ROBO2: variants seen among roughly 807,000 people sequenced by gnomAD.
The protein encoded by ROBO2 is roundabout guidance receptor 2.
ROBO2 carries 53 observed loss-of-function variants against 160.8 expected under a neutral mutation model. The observed-to-expected ratio is 0.33, with a 90% CI of 0.26 to 0.41. ROBO2 has a LOEUF of 0.41. Ranked by LOEUF, ROBO2 falls within the 10% of genes least tolerant of loss-of-function variation. The probability of loss-of-function intolerance (pLI) is 1.00; values close to 1 mark genes in which losing one functional copy is unlikely to be tolerated. For missense variants in ROBO2, 1,577 were observed against 1,722.4 expected, an observed-to-expected ratio of 0.92 and a Z score of 1.49; for synonymous variants, 664 against 611.7, an observed-to-expected ratio of 1.09 and a Z score of -1.26.
rs115342092 is a variant in ROBO2 at position 75,964,449 on chromosome 3, C to A, written c.109+26847C>A. Among the ~76,000 whole-genome samples, 617 of 151,638 alleles carry A rather than the reference C, an allele frequency of 4.1e-3. 4 individuals carry two copies. The highest frequency in any genetic ancestry group is 0.014 in the African/African-American group (594 of 41,448). Reference sequence around the variant, plus strand: ...ATTTTTGATCCCCTGATTTTTCTGACTATGGTTCACAAAAAATCCGTAAGA... The same window carrying A: ...ATTTTTGATCCCCTGATTTTTCTGAATATGGTTCACAAAAAATCCGTAAGA... On this transcript the variant is annotated intron_variant, in intron 2 of 26. Coordinates refer to the ROBO2 transcript ENST00000487694.
chr3:76,881,578 A>C (rs1324839106), intron 2 of ROBO2, among the ~76,000 whole-genome samples: 1 of 152,240 alleles, frequency 6.6e-6, no homozygotes, highest in African/African-American at 2.4e-5. Context: ...TAATATCAAC[A>C]TAAGGACATA....
rs998376236 is a variant in ROBO2 at position 76,620,770 on chromosome 3, T to C, written c.110-477244T>C. Among the ~76,000 whole-genome samples the C allele has an allele frequency of 6.6e-5, 10 of 152,262 alleles. No homozygotes were observed. The East Asian group carries it at 1.9e-3, about 29-fold the overall frequency. ...TAAATACTAAAGCTTAGGGACCAGT[T>C]CCAATTCTATATTATAAGTAAGAAA... On this transcript the variant is annotated intron_variant, in intron 2 of 26. Coordinates refer to the ROBO2 transcript ENST00000487694.
intron 2 of ROBO2, among the ~76,000 whole-genome samples, chr3:76,939,173 G>T (rs1348602700): frequency 6.6e-6 from 1 of 152,062 alleles, no homozygotes; most frequent in Admixed American, 6.5e-5. Context: ...TAAAAATGAA[G>T]AAGAGAAAGG....
At chr3:76,289,030 A>G (rs1169472986) in intron 2 of ROBO2, among the ~76,000 whole-genome samples, 1 of 152,186 alleles carries the variant, frequency 6.6e-6, no homozygotes, top group African/African-American at 2.4e-5. Context: ...ATTGCTGGGT[A>G]AAATGGTAGT....
chr3:77,350,070 A>T (rs370626568), intron 2 of ROBO2, among the ~76,000 whole-genome samples: 30 of 148,428 alleles, frequency 2.0e-4, no homozygotes, highest in Non-Finnish European at 3.2e-4. Context: ...ACATTAAAAA[A>T]AAATATATAT....
chr3:76,579,636 G>A (rs2085524781), intron 2 of ROBO2, among the ~76,000 whole-genome samples: 1 of 151,946 alleles, frequency 6.6e-6, no homozygotes, highest in South Asian at 2.1e-4. Flanking sequence ...TGGTTCATAT[G>A]TTTGAGGGGA....
At chr3:76,877,962 CTCT>C (rs2072931513) in intron 2 of ROBO2, among the ~76,000 whole-genome samples, 1 of 152,124 alleles carries the variant, frequency 6.6e-6, no homozygotes, top group South Asian at 2.1e-4. Flanking sequence ...TTCTCTCTTC[CTCT>C]TCTTATAGGG....
chr3:76,652,872 C>G (rs2091315605), intron 2 of ROBO2, among the ~76,000 whole-genome samples: 1 of 151,684 alleles, frequency 6.6e-6, no homozygotes, highest in South Asian at 2.1e-4. Context: ...TTTTTTAATT[C>G]TAGCATTCTG....
At chr3:76,307,581 C>A (rs1401531704) in intron 2 of ROBO2, among the ~76,000 whole-genome samples, 2 of 151,886 alleles carry the variant, frequency 1.3e-5, no homozygotes, top group East Asian at 1.9e-4. Context: ...AAGAAGATTC[C>A]AAGCCACAAC....
Position 75,993,375 on chromosome 3 carries a change from C to G in ROBO2, c.109+55773C>G, listed in dbSNP as rs114352584. Among the ~76,000 whole-genome samples, 1,389 of 152,042 alleles carry G rather than the reference C, an allele frequency of 9.1e-3. 24 individuals are homozygous for G. Among genetic ancestry groups the G allele is most frequent in the African/African-American group, 0.032 (1,339 of 41,488 alleles). ...AAAAGAAGAATTCCCCTGCACAAGC[C>G]CTCTCTCTCTTTGTGCCTGCTACCA... On this transcript the variant is annotated intron_variant, in intron 2 of 26. Coordinates refer to the ROBO2 transcript ENST00000487694.
chr3:76,045,110 A>G (rs58112396), intron 2 of ROBO2, among the ~76,000 whole-genome samples: 18,849 of 151,874 alleles, frequency 0.12, 3,001 homozygotes, highest in African/African-American at 0.36. Flanking sequence ...ATTTTCATCA[A>G]ATCTTGTTTT....
intron 2 of ROBO2, among the ~76,000 whole-genome samples, chr3:77,220,488 T>A (rs1170015721): frequency 6.6e-6 from 1 of 151,962 alleles, no homozygotes; most frequent in South Asian, 2.1e-4. Flanking sequence ...TTCATTTATA[T>A]ATGTCATTTT....
chr3:76,798,316 A>AAAGAAAGAAAG lies in ROBO2; in HGVS notation c.110-299693_110-299692insAGAAAGAAGAA, dbSNP rs1404329673. Among the ~76,000 whole-genome samples, 37 of 96,206 alleles carry AAAGAAAGAAAG rather than the reference A, an allele frequency of 3.8e-4. 1 individual carries two copies. The highest frequency in any genetic ancestry group is 2.3e-3 in the Admixed American group (23 of 9,954). 63.1% of individuals were successfully genotyped at this position (96,206 alleles called of 152,430 possible). The stretch of plus-strand genomic sequence containing the variant: ...AGAAAGAAAGAAAGAAAGAAAGAAA[A>AAAGAAAGAAAG]AAGAACGAATGAACTAAAGGCCAAT... On this transcript the variant is annotated intron_variant, in intron 2 of 26. Transcript: ENST00000487694.
At chr3:76,560,353 C>T (rs1165538215) in intron 2 of ROBO2, among the ~76,000 whole-genome samples, 2 of 151,968 alleles carry the variant, frequency 1.3e-5, no homozygotes, top group Admixed American at 1.3e-4. Context: ...TCAGGTGATA[C>T]ACATGTACAT....
chr3:76,069,128 T>C (rs1202131470), intron 2 of ROBO2, among the ~76,000 whole-genome samples: 1 of 152,178 alleles, frequency 6.6e-6, no homozygotes, highest in East Asian at 1.9e-4. Flanking sequence ...CAGCCTTCAT[T>C]GTGCTGTAGA....
At chr3:77,007,290 C>G (rs2061631160) in intron 2 of ROBO2, among the ~76,000 whole-genome samples, 1 of 152,100 alleles carries the variant, frequency 6.6e-6, no homozygotes, top group Non-Finnish European at 1.5e-5. Flanking sequence ...ATGAATTCAT[C>G]ACCAACGACA....
intron 2 of ROBO2, among the ~76,000 whole-genome samples, chr3:77,140,279 C>A (rs551741200): frequency 6.6e-6 from 1 of 152,100 alleles, no homozygotes; most frequent in African/African-American, 2.4e-5. Context: ...GGAGGGGGGA[C>A]AAATAATGAT....
At chr3:77,377,863 T>C (rs2072902388) in intron 2 of ROBO2, among the ~76,000 whole-genome samples, 1 of 152,228 alleles carries the variant, frequency 6.6e-6, no homozygotes, top group Non-Finnish European at 1.5e-5. Context: ...CTAATGGTAT[T>C]AGTTCTTCAG....
Position 76,152,414 on chromosome 3 carries a change from A to G in ROBO2, c.109+214812A>G, listed in dbSNP as rs149641159. The stretch of plus-strand genomic sequence containing the variant: ...AGATTGATGGAGTATATAGAACACA[A>G]CATTAAATGGAATATTTGATATGAA... On this transcript the variant is annotated intron_variant, in intron 2 of 26. Coordinates refer to the ROBO2 transcript ENST00000487694. Among the ~76,000 whole-genome samples the G allele has an allele frequency of 2.3e-4, 35 of 152,296 alleles. No homozygotes were observed. The East Asian group carries it at 6.4e-3, about 28-fold the overall frequency.
Sources: gnomAD v4.1 joint callset for allele counts (sites outside exome capture counted in the v4.1 genomes callset) on GRCh38, gnomAD v4.1.1 for gene constraint, MANE v1.5 for transcripts, NCBI Gene and HGNC (gene_info 2026-07-23, HGNC 2026-07-21) for gene names.